Variants in SIK2 observed in about 807,000 individuals in gnomAD.
The protein encoded by SIK2 is serine/threonine-protein kinase SIK2.
SIK2 carries 29 observed loss-of-function variants against 103.2 expected under a neutral mutation model. The ratio of observed to expected loss-of-function variants is 0.28; its 90% CI spans 0.21 to 0.38. The LOEUF is 0.38. Ranked by LOEUF, SIK2 falls within the 10% of genes least tolerant of loss-of-function variation. SIK2 has a pLI of 1.00. For missense variants in SIK2, 879 were observed against 1,171.0 expected (o/e 0.75, Z 3.64); for synonymous variants, 412 against 446.1 (o/e 0.92, Z 0.96).
intron 8 of SIK2, among the ~76,000 whole-genome samples, chr11:111,709,905 G>A (rs987810325): frequency 1.3e-5 from 2 of 152,236 alleles, no homozygotes; most frequent in African/African-American, 4.8e-5. Flanking sequence ...GCACAGCACC[G>A]TCTGGCCATT....
At chr11:111,657,941 G>A (rs896681653) in intron 3 of SIK2, among the ~76,000 whole-genome samples, 1 of 152,106 alleles carries the variant, frequency 6.6e-6, no homozygotes, top group Non-Finnish European at 1.5e-5. Flanking sequence ...TGCAGGTTCA[G>A]TATTCTGACT....
chr11:111,714,690 G>A (rs1943589720), intron 9 of SIK2, among the ~76,000 whole-genome samples: 1 of 152,206 alleles, frequency 6.6e-6, no homozygotes, highest in Non-Finnish European at 1.5e-5. Flanking sequence ...ACTAAAGGCA[G>A]GGCAGATTCA....
chr11:111,721,871 T>C lies in SIK2; in HGVS notation c.1986T>C (p.Pro662=), dbSNP rs746852584. ...AGCAGGAAAGCGTCTCCACTCTCCC[T>C]GCCAGCGTGCATCCCCAGCTGTCCC... The part of the protein sequence containing the change: ...SQQQESVSTL[P]ASVHPQLSPR... The change falls in exon 13 of 15, where the codon CCT becomes CCC. Residue 662 remains proline (P), a synonymous_variant. Transcript: ENST00000304987. 14 of 1,612,974 alleles carry C rather than the reference T, an allele frequency of 8.7e-6. No homozygotes were observed. The highest frequency in any genetic ancestry group is 1.1e-5 in the Non-Finnish European group (13 of 1,179,468).
At position 111,714,846 on chromosome 11, in the gene SIK2, T is replaced by C. The variant is rs116908105; in HGVS notation, c.1266+2471T>C. On this transcript the variant is annotated intron_variant, in intron 9 of 14. Transcript: ENST00000304987. ...GCCTAGGGACAGTCTTTCTTCTCTG[T>C]CTGTGGTTGCTACTACAGTCCCACT... Among the ~76,000 whole-genome samples, 1,135 of 152,308 alleles carry C rather than the reference T, an allele frequency of 7.5e-3. 8 individuals carry two copies. Among genetic ancestry groups the C allele is most frequent in the Middle Eastern group, 0.061 (18 of 294 alleles).
At chr11:111,618,560 G>T (rs1231695465) in intron 2 of SIK2, among the ~76,000 whole-genome samples, 1 of 152,058 alleles carries the variant, frequency 6.6e-6, no homozygotes, top group Non-Finnish European at 1.5e-5. Context: ...CTACTGGGGA[G>T]GCTGAAGCAG....
Position 111,705,088 on chromosome 11 carries a change from T to C in SIK2, c.1050T>C (p.Leu350=). ...GCAGTTTCCCAGTGGAGCAGAGACTTGATGGCCGCCAGCGTCGGCCTAGCA... is the reference window on the plus strand; with the variant it reads ...GCAGTTTCCCAGTGGAGCAGAGACTCGATGGCCGCCAGCGTCGGCCTAGCA... ...HRSSFPVEQR[L]DGRQRRPSTI... The change falls in exon 8 of 15, where the codon CTT becomes CTC. Residue 350 remains leucine, a synonymous_variant. Transcript: ENST00000304987. The surrounding 1 kb of genome is among the most constrained non-coding windows in gnomAD (Gnocchi z 4.3). 1 of 1,605,988 alleles carries C rather than the reference T, an allele frequency of 6.2e-7. No individual in the cohort carries two copies.
chr11:111,634,175 T>C (rs528372076), intron 3 of SIK2, among the ~76,000 whole-genome samples: 5 of 151,844 alleles, frequency 3.3e-5, no homozygotes, highest in Non-Finnish European at 7.4e-5. Flanking sequence ...AGCATATGCC[T>C]GGGGTTTATT....
intron 3 of SIK2, among the ~76,000 whole-genome samples, chr11:111,631,809 A>G (rs1942043849): frequency 6.6e-6 from 1 of 150,738 alleles, no homozygotes; most frequent in African/African-American, 2.4e-5. Context: ...TTGAATAGAG[A>G]GGCTTCCTGT....
chr11:111,621,061 A>G (rs1483883761), intron 3 of SIK2, among the ~76,000 whole-genome samples: 2 of 152,226 alleles, frequency 1.3e-5, no homozygotes, highest in Admixed American at 6.5e-5. Context: ...CTTAAAGTCC[A>G]AAATTGTTTT....
chr11:111,672,086 T>A, intron 3 of SIK2: 1 of 495,258 alleles, frequency 2.0e-6, no homozygotes. Context: ...GCAAACTTCT[T>A]GTCAAGGGTC....
At chr11:111,614,231 C>T (rs779219567) in intron 1 of SIK2, among the ~76,000 whole-genome samples, 4 of 152,016 alleles carry the variant, frequency 2.6e-5, no homozygotes, top group Non-Finnish European at 4.4e-5. Flanking sequence ...TTACAGGCAC[C>T]CACCACCATG....
At chr11:111,717,257 A>G (rs530285054) in intron 9 of SIK2, among the ~76,000 whole-genome samples, 49 of 128,818 alleles carry the variant, frequency 3.8e-4, no homozygotes, top group African/African-American at 1.3e-3. Context: ...CAGAGCTTGC[A>G]GTGAGCTGAG....
intron 4 of SIK2, among the ~76,000 whole-genome samples, chr11:111,700,410 A>G (rs915449358): frequency 2.0e-5 from 3 of 152,232 alleles, no homozygotes; most frequent in African/African-American, 7.2e-5. Flanking sequence ...CACTGCACTC[A>G]GTTGCCTTCA....
At chr11:111,708,225 C>CA (rs974973123) in intron 8 of SIK2, among the ~76,000 whole-genome samples, 1 of 151,814 alleles carries the variant, frequency 6.6e-6, no homozygotes, top group Admixed American at 6.6e-5. Flanking sequence ...CTACTAAAAA[C>CA]AAAAAAATTA....
intron 3 of SIK2, chr11:111,671,373 C>A: frequency 4.2e-6 from 1 of 240,904 alleles, no homozygotes; most frequent in African/African-American, 2.3e-5. Flanking sequence ...GCTTAATGGC[C>A]AGCTCCCCAC....
At chr11:111,692,337 C>T (rs1259817349) in intron 4 of SIK2, among the ~76,000 whole-genome samples, 7 of 95,292 alleles carry the variant, frequency 7.3e-5, no homozygotes, top group African/African-American at 8.3e-5. Flanking sequence ...GGCAACAGAG[C>T]GAGACTCAGT....
In SIK2 at chr11:111,688,227, C is replaced by G; in HGVS notation, c.478+65C>G. ...AGCCACTGCACTCAGTGTGTGGAAA[C>G]AGACCTGCAGGCGCAGATTCAGCAG... On this transcript the variant is annotated intron_variant, in intron 4 of 14. Transcript: ENST00000304987. The surrounding 1 kb of genome is among the most constrained non-coding windows in gnomAD (Gnocchi z 4.2). The G allele has an allele frequency of 6.5e-7, 1 of 1,534,582 alleles. No individual in the cohort carries two copies. The highest frequency in any genetic ancestry group is 1.7e-5 in the Admixed American group (1 of 58,096).
At chr11:111,723,385 T>C in intron 14 of SIK2, 111 bp from the exon 15 acceptor site, 5 of 1,204,750 alleles carry the variant, frequency 4.2e-6, no homozygotes, top group Non-Finnish European at 5.8e-6. Context: ...TTTGCTGACA[T>C]GAGAGAGACT....
chr11:111,614,327 GC>G (rs1368131878), intron 1 of SIK2, among the ~76,000 whole-genome samples: 1 of 151,990 alleles, frequency 6.6e-6, no homozygotes, highest in Non-Finnish European at 1.5e-5. Context: ...CAAATGATCA[GC>G]CTGCCTCGGC....
Sources: gnomAD v4.1 joint callset for allele counts (sites outside exome capture counted in the v4.1 genomes callset) on GRCh38, gnomAD v4.1.1 for gene constraint, Gnocchi (gnomAD v3.1) non-coding constraint, MANE v1.5 for transcripts, NCBI Gene and HGNC (gene_info 2026-07-23, HGNC 2026-07-21) for gene names.